PIK3R6: variants seen among roughly 807,000 people sequenced by gnomAD.
PIK3R6 encodes phosphoinositide 3-kinase regulatory subunit 6.
A neutral mutation model predicts 84.9 loss-of-function variants in PIK3R6; 91 were observed. That is an observed-to-expected ratio of 1.07 (90% CI 0.90 to 1.28). The LOEUF (loss-of-function observed/expected upper bound fraction) is 1.28. Ranked by LOEUF, PIK3R6 falls within the 50% of genes most tolerant of loss-of-function variation. The pLI, the probability that PIK3R6 is intolerant of heterozygous loss-of-function variation, is 0.00. For synonymous variants in PIK3R6, 416 were observed against 411.4 expected, an observed-to-expected ratio of 1.01 and a Z score of -0.13; for missense variants, 996 against 985.1, an observed-to-expected ratio of 1.01 and a Z score of -0.15.
chr17:8,864,404 C>T (rs1424184529), intron 1 of PIK3R6, among the ~76,000 whole-genome samples: 1 of 151,920 alleles, frequency 6.6e-6, no homozygotes, highest in African/African-American at 2.4e-5. Context: ...AGTTCTTTGT[C>T]TCTGACTCTG....
At chr17:8,849,579 C>A (rs1035286470) in intron 2 of PIK3R6, among the ~76,000 whole-genome samples, 1 of 152,244 alleles carries the variant, frequency 6.6e-6, no homozygotes, top group Non-Finnish European at 1.5e-5. Flanking sequence ...CAGTGTCCAG[C>A]GAGCAGTTGG....
chr17:8,828,897 C>G lies in PIK3R6; in HGVS notation c.983G>C (p.Arg328Pro), dbSNP rs777181315. 4.5e-6 allele frequency: 7 copies of G among 1,562,212 alleles called. No homozygotes were observed. The highest frequency in any genetic ancestry group is 4.5e-5 in the East Asian group (2 of 43,966). Residue 328 changes from arginine (R) to proline (P), a missense_variant, in exon 11 of 20, where the codon CGG becomes CCG. Arg to Pro is a moderately radical substitution (Grantham distance 103, BLOSUM62 -2). Coordinates refer to ENST00000619866, the MANE Select transcript of PIK3R6 (RefSeq NM_001010855.4). ...CAGCACAGAAACCCGGGCCAACTCC[C>G]GGTCCGGCCGGAGGCCCTGCAGATC... is the stretch of plus-strand genomic sequence containing the variant. ...VLDLQGLRPDRELARVSVLST... is the reference protein window; with the variant it reads ...VLDLQGLRPDPELARVSVLST...
intron 17 of PIK3R6, among the ~76,000 whole-genome samples, 156 bp downstream of exon 17, chr17:8,821,690 G>C (rs191432768): frequency 2.0e-3 from 302 of 152,202 alleles, no homozygotes; most frequent in African/African-American, 6.9e-3. Context: ...TGGGTGACCC[G>C]ACAGCAAGCA....
At chr17:8,864,493 G>A (rs2089356078) in intron 1 of PIK3R6, among the ~76,000 whole-genome samples, 1 of 141,464 alleles carries the variant, frequency 7.1e-6, no homozygotes, top group African/African-American at 2.6e-5. Context: ...ATAACTAACA[G>A]ATCCTTCTAA....
intron 18 of PIK3R6, among the ~76,000 whole-genome samples, chr17:8,811,311 T>A (rs1279222565): frequency 1.3e-5 from 2 of 148,308 alleles, no homozygotes; most frequent in Non-Finnish European, 2.9e-5. Context: ...AACCATTTTT[T>A]CCTCCTAGGT....
chr17:8,809,067 T>A (rs771043826), intron 18 of PIK3R6, among the ~76,000 whole-genome samples: 7 of 152,170 alleles, frequency 4.6e-5, no homozygotes, highest in Admixed American at 1.3e-4. Context: ...TTTGTCTAAT[T>A]GCCTAAAAGG....
At position 8,844,363 on chromosome 17, in the gene PIK3R6, T is replaced by C. The variant is rs996765426; in HGVS notation, c.14-4666A>G. ...GGGAAGCACTCCAAGTGAATGATGCTAGAGTTCATCCTAACCTTGGAATAT... is the reference window on the plus strand; with the variant it reads ...GGGAAGCACTCCAAGTGAATGATGCCAGAGTTCATCCTAACCTTGGAATAT... On this transcript the variant is annotated intron_variant, in intron 2 of 19. Transcript: ENST00000619866. The surrounding 1 kb of genome is among the most constrained non-coding windows in gnomAD (Gnocchi z 4.5). Among the ~76,000 whole-genome samples the C allele has an allele frequency of 6.6e-6, 1 of 152,226 alleles. No individual in the cohort carries two copies. Among genetic ancestry groups the C allele is most frequent in the Non-Finnish European group, 1.5e-5 (1 of 68,040 alleles).
intron 9 of PIK3R6, among the ~76,000 whole-genome samples, chr17:8,830,406 C>T (rs1462690841): frequency 6.6e-6 from 1 of 152,170 alleles, no homozygotes; most frequent in African/African-American, 2.4e-5. Context: ...TCCGAGCAGA[C>T]TGTCTGCACA....
In PIK3R6 at chr17:8,823,446, T is replaced by C. The variant is rs1157602104; in HGVS notation, c.1567A>G (p.Ile523Val). 3.7e-6 allele frequency: 6 copies of C among 1,612,756 alleles called. No homozygotes were observed. Among genetic ancestry groups the C allele is most frequent in the Non-Finnish European group, 5.1e-6 (6 of 1,179,150 alleles). ...GTGCCCATGCGGATGTAGTAGGTGA[T>C]GACGTCTAGGATGAAGGGGTCCACA... ...RTVDPFILDV[I>V]TYYIRMGTQP... The change falls in exon 14 of 20, where the codon ATC becomes GTC. Residue 523 changes from isoleucine (I) to valine (V), a missense_variant. Transcript: ENST00000619866.
intron 1 of PIK3R6, among the ~76,000 whole-genome samples, chr17:8,858,668 C>T (rs1044337616): frequency 5.3e-5 from 8 of 152,030 alleles, no homozygotes; most frequent in South Asian, 4.2e-4. Flanking sequence ...TGCCATAAAA[C>T]GGTGGCGATG....
At position 8,829,803 on chromosome 17, in the gene PIK3R6, G is replaced by C. The variant is rs1369620068; in HGVS notation, c.803-11C>G. On this transcript the variant is annotated splice_polypyrimidine_tract_variant and intron_variant, in intron 9 of 19. Transcript: ENST00000619866. ...CTTGGACAAGGTCACCTGCAGAAAG[G>C]AGCAGGCTGTGGAGGCCATGGAGGA... 2 of 1,548,860 alleles carry C rather than the reference G, an allele frequency of 1.3e-6. No individual in the cohort carries two copies. Among genetic ancestry groups the C allele is most frequent in the East Asian group, 2.5e-5 (1 of 40,804 alleles).
intron 17 of PIK3R6, among the ~76,000 whole-genome samples, chr17:8,819,938 T>TATATA: frequency 8.7e-6 from 1 of 115,142 alleles, no homozygotes; most frequent in East Asian, 2.5e-4. Flanking sequence ...TATATATATA[T>TATATA]TTTTATATAT....
chr17:8,835,438 A>G lies in PIK3R6; in HGVS notation c.480T>C (p.Asp160=). Residue 160 remains aspartate (D), a synonymous_variant, in exon 8 of 20, where the codon GAT becomes GAC. Transcript: ENST00000619866. ...PYQERVFLFV[D]PELVSASVCS... is the part of the protein sequence containing the mutation. ...ACACAGACGCAGACACCAGCTCAGG[A>G]TCCACGAAGAGGAACACTCTGAGGG... 7.0e-6 allele frequency: 11 copies of G among 1,572,086 alleles called. No homozygotes were observed. The highest frequency in any genetic ancestry group is 8.7e-6 in the Non-Finnish European group (10 of 1,150,286).
chr17:8,819,226 G>A (rs1461641147), intron 17 of PIK3R6, 28 bp from the exon 18 acceptor site: 1 of 1,498,950 alleles, frequency 6.7e-7, no homozygotes, highest in Non-Finnish European at 9.1e-7. Flanking sequence ...GGCTGTAAAT[G>A]GACCTCCAGG....
rs895637139 is a variant in PIK3R6 at position 8,839,933 on chromosome 17, G to A, written c.14-236C>T. Among the ~76,000 whole-genome samples, 1 of 152,104 alleles carries A rather than the reference G, an allele frequency of 6.6e-6. No individual in the cohort carries two copies. Among genetic ancestry groups the A allele is most frequent in the Non-Finnish European group, 1.5e-5 (1 of 68,030 alleles). On this transcript the variant is annotated intron_variant, in intron 2 of 19. Coordinates refer to ENST00000619866, the MANE Select transcript of PIK3R6 (RefSeq NM_001010855.4). The surrounding 1 kb of genome is among the most constrained non-coding windows in gnomAD (Gnocchi z 4.2). ...CCCAAAGTGCAGTATGTGTACCACT[G>A]GTGGTATGTAGGACAATTTTAGGTG...
intron 4 of PIK3R6, 64 bp from the exon 5 acceptor site, chr17:8,837,935 G>A (rs2088536499): frequency 6.9e-7 from 1 of 1,440,942 alleles, no homozygotes; most frequent in African/African-American, 1.4e-5. Flanking sequence ...ATAGCGGGAG[G>A]CAGTCTAGGC....
At chr17:8,849,090 G>C (rs1256457077) in intron 2 of PIK3R6, among the ~76,000 whole-genome samples, 1 of 124,246 alleles carries the variant, frequency 8.0e-6, no homozygotes, top group East Asian at 2.3e-4. Context: ...TCCAGGCTTT[G>C]AAAATCAGCC....
chr17:8,860,288 G>C (rs984496352), intron 1 of PIK3R6, among the ~76,000 whole-genome samples: 5 of 132,500 alleles, frequency 3.8e-5, no homozygotes, highest in African/African-American at 8.5e-5. Flanking sequence ...GCCTCCTGGG[G>C]CGGGGGGCGG....
chr17:8,803,756 G>T lies in PIK3R6; in HGVS notation c.2108+285C>A. ...TGTGTGGGAGGGGCCCGTGCCTGCA[G>T]AGGGGACTGGATCAGGAGGCTGCAG... is the stretch of plus-strand genomic sequence containing the variant. On this transcript the variant is annotated intron_variant, in intron 19 of 19. Transcript: ENST00000619866. This position sits in a 1 kb window ranked among gnomAD's most constrained non-coding sequence, Gnocchi z 5.0. 1.8e-6 allele frequency: 1 copy of T among 564,242 alleles called. No homozygotes were observed. The highest frequency in any genetic ancestry group is 2.2e-5 in the South Asian group (1 of 46,256). The allele number at this position is 564,242 out of a possible 1,614,324, so 35.0% of individuals were successfully genotyped here. A position where few individuals can be genotyped will look rare whatever the true frequency, so the allele number is the denominator to read the frequency against.
Sources: gnomAD v4.1 joint callset for allele counts (sites outside exome capture counted in the v4.1 genomes callset) on GRCh38, gnomAD v4.1.1 for gene constraint, Gnocchi (gnomAD v3.1) non-coding constraint, MANE v1.5 for transcripts, NCBI Gene and HGNC (gene_info 2026-07-23, HGNC 2026-07-21) for gene names.